Variants in LPP observed in about 807,000 individuals in gnomAD.
LPP encodes the protein lipoma-preferred partner.
Under a neutral mutation model 60.4 loss-of-function variants are expected in LPP, and 38 were observed. The observed-to-expected ratio is 0.63, with a 90% CI of 0.49 to 0.83. The LOEUF (loss-of-function observed/expected upper bound fraction) is 0.83, where lower values mean the gene tolerates loss of function less well. Among genes scored for constraint, LPP ranks in the 40% least tolerant of loss-of-function variants. The pLI is 0.00. For synonymous variants in LPP, 328 were observed against 290.8 expected (o/e 1.13, Z -1.30); for missense variants, 902 against 783.6 (o/e 1.15, Z -1.80).
intron 6 of LPP, among the ~76,000 whole-genome samples, chr3:188,605,687 G>A (rs1036942487): frequency 5.3e-5 from 8 of 152,066 alleles, no homozygotes; most frequent in Non-Finnish European, 1.2e-4. Flanking sequence ...ATTATTCAGC[G>A]GCTATTGAGC....
rs753192973 is a variant in LPP at position 188,760,186 on chromosome 3, C to T, written c.1314C>T (p.His438=). ...GCACTGCCATGGATCAGGTCTTCCA[C>T]GTGGATTGTTTTACCTGCATCATCT... ...TGCTAMDQVF[H]VDCFTCIICN... Residue 438 remains histidine (H), a synonymous_variant, in exon 9 of 12, where the codon CAC becomes CAT. Coordinates refer to ENST00000617246, the MANE Select transcript of LPP (RefSeq NM_001375462.1). The T allele has an allele frequency of 1.9e-5, 30 of 1,613,874 alleles. No individual in the cohort carries two copies. In the South Asian group the frequency reaches 2.0e-4, roughly 11 times the overall value.
intron 2 of LPP, among the ~76,000 whole-genome samples, chr3:188,318,969 G>C (rs983764396): frequency 6.6e-6 from 1 of 151,368 alleles, no homozygotes; most frequent in Admixed American, 6.6e-5. Context: ...CGTTTTAGCC[G>C]GGATGGTCTC....
At chr3:188,277,124 G>A (rs1740233735) in intron 2 of LPP, among the ~76,000 whole-genome samples, 1 of 151,762 alleles carries the variant, frequency 6.6e-6, no homozygotes, top group South Asian at 2.1e-4. Flanking sequence ...GGCTGGTCTC[G>A]AACTCCTGAC....
intron 1 of LPP, among the ~76,000 whole-genome samples, chr3:188,209,442 A>G (rs925146484): frequency 6.6e-6 from 1 of 152,242 alleles, no homozygotes; most frequent in Non-Finnish European, 1.5e-5. Flanking sequence ...AGAAAGACAC[A>G]GGTTCAGAAT....
At chr3:188,730,098 A>G (rs1422068610) in intron 8 of LPP, among the ~76,000 whole-genome samples, 2 of 152,214 alleles carry the variant, frequency 1.3e-5, no homozygotes, top group East Asian at 3.8e-4. Flanking sequence ...GATTACTTTC[A>G]ACTTTCTAAG....
chr3:188,177,410 T>C (rs1723374407), intron 1 of LPP, among the ~76,000 whole-genome samples: 1 of 152,204 alleles, frequency 6.6e-6, no homozygotes, highest in Non-Finnish European at 1.5e-5. Context: ...TTCTGCTCCC[T>C]GGACCAGCAT....
At chr3:188,459,081 A>G (rs1368836561) in intron 4 of LPP, among the ~76,000 whole-genome samples, 1 of 152,188 alleles carries the variant, frequency 6.6e-6, no homozygotes, top group Non-Finnish European at 1.5e-5. Context: ...TAGCTAGAAT[A>G]TCACTTAGTA....
rs1048422712 is a variant in LPP at position 188,882,478 on chromosome 3, A to G, written c.*7999A>G. On this transcript the variant is annotated 3_prime_UTR_variant, in exon 12 of 12. Transcript: ENST00000617246. ...AATTGGAAGAGAAGATGATCTGCCA[A>G]AATATAACCCAGCATGCACAGTATG... 1 of 226,830 alleles carries G rather than the reference A, an allele frequency of 4.4e-6. No homozygotes were observed. The highest frequency in any genetic ancestry group is 2.2e-5 in the African/African-American group (1 of 44,988). The allele number at this position is 226,830 out of a possible 1,614,324, so 14.1% of individuals were successfully genotyped here. A position where few individuals can be genotyped will look rare whatever the true frequency, so the allele number is the denominator to read the frequency against.
intron 3 of LPP, among the ~76,000 whole-genome samples, chr3:188,366,467 T>G (rs1178338308): frequency 2.0e-5 from 3 of 152,004 alleles, no homozygotes; most frequent in Non-Finnish European, 2.9e-5. Context: ...GTGCTGGGGG[T>G]TGTACAGGTC....
At chr3:188,631,851 T>A (rs1847899356) in intron 7 of LPP, among the ~76,000 whole-genome samples, 1 of 152,078 alleles carries the variant, frequency 6.6e-6, no homozygotes, top group Non-Finnish European at 1.5e-5. Context: ...TGTAAATATA[T>A]CCCATGACAC....
intron 4 of LPP, among the ~76,000 whole-genome samples, chr3:188,423,415 T>C (rs1788407860): frequency 6.6e-6 from 1 of 152,196 alleles, no homozygotes; most frequent in South Asian, 2.1e-4. Context: ...TACGTGTACA[T>C]GTGTCTTCAT....
Position 188,888,029 on chromosome 3 carries a change from C to T in LPP, c.*13550C>T, listed in dbSNP as rs1282514308. 9.3e-6 allele frequency: 2 copies of T among 215,510 alleles called. No homozygotes were observed. The highest frequency in any genetic ancestry group is 2.3e-5 in the African/African-American group (1 of 44,360). The allele number at this position is 215,510 out of a possible 1,614,324, so 13.3% of individuals were successfully genotyped here. On this transcript the variant is annotated 3_prime_UTR_variant, in exon 12 of 12. Coordinates refer to ENST00000617246, the MANE Select transcript of LPP (RefSeq NM_001375462.1). ...GATTATTTGGCATGTATAAAATTAT[C>T]ATGTGGCTTAATGTGCCTTAAGTGA...
intron 2 of LPP, among the ~76,000 whole-genome samples, chr3:188,304,178 G>A (rs963780435): frequency 1.3e-5 from 2 of 152,126 alleles, no homozygotes; most frequent in Non-Finnish European, 2.9e-5. Flanking sequence ...TTTCTGGGTT[G>A]GCAAACCTCT....
chr3:188,616,682 T>C (rs1211514606), intron 7 of LPP, among the ~76,000 whole-genome samples: 1 of 152,194 alleles, frequency 6.6e-6, no homozygotes, highest in Non-Finnish European at 1.5e-5. Context: ...AATCTTTAGA[T>C]CAATTTGAAA....
At chr3:188,636,079 C>T (rs938362339) in intron 7 of LPP, among the ~76,000 whole-genome samples, 13 of 152,224 alleles carry the variant, frequency 8.5e-5, no homozygotes, top group African/African-American at 1.9e-4. Context: ...GGAACAGCTC[C>T]GGTCTACAGC....
At chr3:188,631,123 A>T (rs1343614936) in intron 7 of LPP, among the ~76,000 whole-genome samples, 1 of 152,190 alleles carries the variant, frequency 6.6e-6, no homozygotes, top group Non-Finnish European at 1.5e-5. Context: ...CCCCTGGGAC[A>T]CACAACTTAC....
At chr3:188,715,385 A>AAAC (rs1248952557) in intron 8 of LPP, among the ~76,000 whole-genome samples, 2 of 121,134 alleles carry the variant, frequency 1.7e-5, no homozygotes, top group African/African-American at 5.2e-5. Context: ...TCAAAAAAAA[A>AAAC]AAAAAAAAAA....
At chr3:188,197,367 C>T (rs529212062) in intron 1 of LPP, among the ~76,000 whole-genome samples, 1 of 152,220 alleles carries the variant, frequency 6.6e-6, no homozygotes, top group Admixed American at 6.5e-5. Flanking sequence ...TCCCTTTGGG[C>T]TAGTGTCTAT....
intron 9 of LPP, among the ~76,000 whole-genome samples, chr3:188,852,991 G>GA (rs953722672): frequency 1.1e-4 from 17 of 149,182 alleles, no homozygotes; most frequent in African/African-American, 1.7e-4. Flanking sequence ...TAAAAATACA[G>GA]AAAAAAAAAA....
Sources: allele counts gnomAD v4.1 joint callset (sites outside exome capture counted in the v4.1 genomes callset), GRCh38; gene constraint gnomAD v4.1.1; transcripts MANE v1.5; gene names NCBI Gene and HGNC (gene_info 2026-07-23, HGNC 2026-07-21).